CDH8: variants seen among roughly 807,000 people sequenced by gnomAD.
CDH8 encodes cadherin-8.
Under a neutral mutation model 68.1 loss-of-function variants are expected in CDH8, and 17 were observed. The ratio of observed to expected loss-of-function variants is 0.25; its 90% confidence interval spans 0.17 to 0.37. The LOEUF (loss-of-function observed/expected upper bound fraction) is 0.37, where lower values mean the gene tolerates loss of function less well. Ranked by LOEUF, CDH8 falls within the 10% of genes least tolerant of loss-of-function variation. The pLI is 1.00. For synonymous variants in CDH8, 372 were observed against 365.1 expected (o/e 1.02, Z -0.21); for missense variants, 763 against 999.3 (o/e 0.76, Z 3.19).
intron 10 of CDH8, among the ~76,000 whole-genome samples, chr16:61,683,468 T>C (rs1231461320): frequency 6.6e-6 from 1 of 151,968 alleles, no homozygotes; most frequent in Non-Finnish European, 1.5e-5. Flanking sequence ...CTTGTAGAAG[T>C]CATTGAAGCA....
At chr16:61,966,273 C>T (rs1405730357) in intron 2 of CDH8, among the ~76,000 whole-genome samples, 3 of 152,102 alleles carry the variant, frequency 2.0e-5, no homozygotes, top group African/African-American at 4.8e-5. Flanking sequence ...GGCGCCGTGG[C>T]TCACGTCTGT....
At chr16:61,655,233 C>T (rs1011910991) in intron 11 of CDH8, among the ~76,000 whole-genome samples, 4 of 152,102 alleles carry the variant, frequency 2.6e-5, no homozygotes, top group African/African-American at 7.2e-5. Flanking sequence ...CCTTGTTCAT[C>T]GCTTTATTGG....
At chr16:61,809,072 G>C (rs1003777450) in intron 7 of CDH8, among the ~76,000 whole-genome samples, 1 of 152,012 alleles carries the variant, frequency 6.6e-6, no homozygotes, top group Non-Finnish European at 1.5e-5. Context: ...TGTAATCCCA[G>C]TTACTCGGGA....
intron 2 of CDH8, among the ~76,000 whole-genome samples, chr16:61,914,361 A>G (rs1489852430): frequency 6.6e-6 from 1 of 152,194 alleles, no homozygotes; most frequent in Non-Finnish European, 1.5e-5. Flanking sequence ...GTTTGCAGTG[A>G]TACTATGCAT....
intron 1 of CDH8, among the ~76,000 whole-genome samples, chr16:62,027,325 G>A (rs940980025): frequency 3.3e-5 from 5 of 152,096 alleles, no homozygotes; most frequent in South Asian, 2.1e-4. Context: ...GTCAAGTCAC[G>A]GATATATAAG....
chr16:61,949,172 C>T (rs916534766), intron 2 of CDH8, among the ~76,000 whole-genome samples: 1 of 152,150 alleles, frequency 6.6e-6, no homozygotes, highest in Non-Finnish European at 1.5e-5. Context: ...ATCAGGCTTT[C>T]TGGGAAAGGA....
chr16:62,033,228 A>C (rs1311714935), intron 1 of CDH8, among the ~76,000 whole-genome samples: 1 of 152,120 alleles, frequency 6.6e-6, no homozygotes, highest in Non-Finnish European at 1.5e-5. Context: ...TGGCTACTTA[A>C]ATTGTGTTCA....
rs139297960 is a variant in CDH8, at chr16:61,698,398, T to G, written c.1654+15443A>C. On this transcript the variant is annotated intron_variant, in intron 10 of 11. Coordinates refer to ENST00000577390, the MANE Select transcript of CDH8 (RefSeq NM_001796.5). ...TGCTTGTCTCTGTCCCTACTCACTT[T>G]CATCATGTTGCCTCCGAGAGTCTTT... 5.2e-3 allele frequency among the ~76,000 whole-genome samples: 787 copies of G among 152,334 alleles called. 2 individuals are homozygous for G. Among genetic ancestry groups the G allele is most frequent in the Non-Finnish European group, 8.0e-3 (542 of 68,032 alleles).
At chr16:61,944,872 T>A (rs573272715) in intron 2 of CDH8, among the ~76,000 whole-genome samples, 1 of 152,088 alleles carries the variant, frequency 6.6e-6, no homozygotes, top group Admixed American at 6.5e-5. Context: ...TGTCTGTCAA[T>A]AATGCAAAAA....
At chr16:61,807,036 G>A (rs1263725109) in intron 7 of CDH8, among the ~76,000 whole-genome samples, 7 of 94,470 alleles carry the variant, frequency 7.4e-5, no homozygotes, top group Non-Finnish European at 1.0e-4. Context: ...TGTTTATTGC[G>A]GCATTATTCA....
At chr16:61,787,228 T>G (rs1232110553) in intron 8 of CDH8, among the ~76,000 whole-genome samples, 1 of 149,856 alleles carries the variant, frequency 6.7e-6, no homozygotes. Context: ...TACAATGAAC[T>G]CAAACAAATT....
chr16:61,993,591 T>C (rs1965762937), intron 2 of CDH8, among the ~76,000 whole-genome samples: 1 of 152,222 alleles, frequency 6.6e-6, no homozygotes. Flanking sequence ...TAAAATATGT[T>C]CATGTCAAAA....
At chr16:61,768,323 TC>T (rs1960654629) in intron 8 of CDH8, among the ~76,000 whole-genome samples, 1 of 73,680 alleles carries the variant, frequency 1.4e-5, no homozygotes, top group Non-Finnish European at 2.9e-5. Context: ...TTTCTCTCTC[TC>T]TCTCTCTCTC....
At chr16:61,960,857 T>C (rs1965142086) in intron 2 of CDH8, among the ~76,000 whole-genome samples, 1 of 152,186 alleles carries the variant, frequency 6.6e-6, no homozygotes, top group Admixed American at 6.5e-5. Context: ...GTTCACCTCA[T>C]GTTGCCCACT....
At chr16:61,879,531 T>C (rs1963529400) in intron 3 of CDH8, among the ~76,000 whole-genome samples, 1 of 152,196 alleles carries the variant, frequency 6.6e-6, no homozygotes, top group South Asian at 2.1e-4. Context: ...CTGGGTTCCA[T>C]GAATGCTATG....
In CDH8 at chr16:61,732,702, G is replaced by A. The variant is rs181016716; in HGVS notation, c.1415-5487C>T. ...GAAAAAAATAAAGAGAAAGGAAAAC[G>A]GTAAAGGTAATTATGCCCTTATAAA... On this transcript the variant is annotated intron_variant, in intron 8 of 11. Coordinates refer to ENST00000577390, the MANE Select transcript of CDH8 (RefSeq NM_001796.5). Among the ~76,000 whole-genome samples, 256 of 151,708 alleles carry A rather than the reference G, an allele frequency of 1.7e-3. 1 individual carries two copies. The highest frequency in any genetic ancestry group is 3.0e-3 in the Non-Finnish European group (201 of 67,788).
intron 10 of CDH8, among the ~76,000 whole-genome samples, chr16:61,685,944 G>A (rs1398411236): frequency 2.6e-5 from 4 of 151,912 alleles, no homozygotes; most frequent in African/African-American, 4.8e-5. Flanking sequence ...ATTTATGGGC[G>A]GGAGTCTTTG....
At position 61,684,230 on chromosome 16, in the gene CDH8, G is replaced by A. The variant is rs552184394; in HGVS notation, c.1655-28509C>T. On this transcript the variant is annotated intron_variant, in intron 10 of 11. Transcript: ENST00000577390. ...TAATTGTATGTTCTTATCTTTCTGA[G>A]GCTAGAAGACTAGGTTAAGAAAGAG... 1.8e-4 allele frequency among the ~76,000 whole-genome samples: 27 copies of A among 152,036 alleles called. 1 individual carries two copies. The South Asian group carries it at 5.2e-3, about 29-fold the overall frequency.
chr16:61,837,424 A>G (rs1962591214), intron 4 of CDH8, among the ~76,000 whole-genome samples: 1 of 152,086 alleles, frequency 6.6e-6, no homozygotes, highest in African/African-American at 2.4e-5. Context: ...TTTTATACAG[A>G]TTAAGGAAAA....
Sources: gnomAD v4.1 joint callset for allele counts (sites outside exome capture counted in the v4.1 genomes callset) on GRCh38, gnomAD v4.1.1 for gene constraint, MANE v1.5 for transcripts, NCBI Gene and HGNC (gene_info 2026-07-23, HGNC 2026-07-21) for gene names.